PIK3C2B: variants seen among roughly 807,000 people sequenced by gnomAD.
The protein encoded by PIK3C2B is phosphatidylinositol-4-phosphate 3-kinase catalytic subunit type 2 beta.
In PIK3C2B, 83 loss-of-function variants were observed where a neutral mutation model predicts 184.3. That is an observed-to-expected ratio of 0.45 (90% CI 0.38 to 0.54). The LOEUF is 0.54. PIK3C2B is among the 20% of genes least tolerant of loss of function. PIK3C2B has a pLI of 0.00. For synonymous variants in PIK3C2B, 779 were observed against 837.6 expected, an observed-to-expected ratio of 0.93 and a Z score of 1.21; for missense variants, 1,736 against 2,113.5, an observed-to-expected ratio of 0.82 and a Z score of 3.50.
chr1:204,476,420 C>T (rs1656714421), intron 1 of PIK3C2B, among the ~76,000 whole-genome samples: 1 of 152,082 alleles, frequency 6.6e-6, no homozygotes, highest in African/African-American at 2.4e-5. Context: ...GTGGCATGGA[C>T]CTATAGTCCC....
intron 1 of PIK3C2B, among the ~76,000 whole-genome samples, chr1:204,478,621 CA>C (rs1201488343): frequency 6.6e-6 from 1 of 152,152 alleles, no homozygotes; most frequent in Non-Finnish European, 1.5e-5. Context: ...TGTGAGAAGA[CA>C]AAATAACAGC....
intron 12 of PIK3C2B, among the ~76,000 whole-genome samples, chr1:204,451,169 G>T (rs889627567): frequency 1.3e-5 from 2 of 152,214 alleles, no homozygotes; most frequent in Admixed American, 6.5e-5. Context: ...TTGGCTGGAG[G>T]TGACAAAGCA....
At chr1:204,468,085 G>A (rs1655964919) in intron 2 of PIK3C2B, among the ~76,000 whole-genome samples, 1 of 152,142 alleles carries the variant, frequency 6.6e-6, no homozygotes, top group Non-Finnish European at 1.5e-5. Context: ...TTGTCATACT[G>A]CATATTTTTT....
Position 204,423,887 on chromosome 1 carries a change from T to A in PIK3C2B, c.*965A>T, listed in dbSNP as rs1375286386. 6.6e-6 allele frequency: 1 copy of A among 152,132 alleles called. No homozygotes were observed. Among genetic ancestry groups the A allele is most frequent in the African/African-American group, 2.4e-5 (1 of 41,204 alleles). 9.4% of individuals were successfully genotyped at this position (152,132 alleles called of 1,614,324 possible). A position where few individuals can be genotyped will look rare whatever the true frequency, so the allele number is the denominator to read the frequency against. ...CAAGATGCTCTTGGGTGAAACTACA[T>A]CTAAGGACTGAGTCAGTATTTTGTC... is the stretch of plus-strand genomic sequence containing the variant. On this transcript the variant is annotated 3_prime_UTR_variant, in exon 33 of 33. Transcript: ENST00000684373.
Position 204,444,133 on chromosome 1 carries a change from G to A in PIK3C2B, c.2802C>T (p.Ser934=), listed in dbSNP as rs779492140. 3.4e-5 allele frequency: 55 copies of A among 1,613,496 alleles called. No individual in the cohort carries two copies. In the African/African-American group the frequency reaches 6.0e-4, roughly 18 times the overall value. The change falls in exon 18 of 33, where the codon AGC becomes AGT. Residue 934 remains serine, a synonymous_variant. Transcript: ENST00000684373. ...QALKYECYLD[S]PLVRFLLKRA... Reference sequence around the variant, plus strand: ...GTTTCAGGAGGAAGCGCACCAACGGGCTGTCCAGGTAGCATTCATACTTCA... The same window carrying A: ...GTTTCAGGAGGAAGCGCACCAACGGACTGTCCAGGTAGCATTCATACTTCA...
intron 2 of PIK3C2B, 27 bp downstream of exon 2, chr1:204,468,843 G>A (rs1231258941): frequency 1.0e-5 from 16 of 1,533,848 alleles, no homozygotes; most frequent in African/African-American, 1.4e-5. Flanking sequence ...AGAAAGGAAG[G>A]CAGAAGAAAC....
In PIK3C2B at chr1:204,430,043, C is replaced by T. The variant is rs777847209; in HGVS notation, c.4281-5G>A. ...ATCACGAAGCGACTAGGGAAGCTGGCGTGGCAGCGTAGGCAGCGGGGATGC... is the reference window on the plus strand; with the variant it reads ...ATCACGAAGCGACTAGGGAAGCTGGTGTGGCAGCGTAGGCAGCGGGGATGC... On this transcript the variant is annotated splice_polypyrimidine_tract_variant and splice_region_variant and intron_variant, in intron 28 of 32. Coordinates refer to ENST00000684373, the MANE Select transcript of PIK3C2B (RefSeq NM_001377334.1). The T allele has an allele frequency of 1.2e-5, 19 of 1,591,950 alleles. No individual in the cohort carries two copies. The highest frequency in any genetic ancestry group is 1.6e-5 in the Non-Finnish European group (19 of 1,167,072).
chr1:204,465,167 CTCCCCA>C, intron 3 of PIK3C2B, 46 bp downstream of exon 3: 5 of 760,386 alleles, frequency 6.6e-6, no homozygotes, highest in Admixed American at 3.7e-5. Context: ...GATGGCCCCC[CTCCCCA>C]TCCCCCATAG....
At chr1:204,476,253 T>C (rs1446389391) in intron 1 of PIK3C2B, among the ~76,000 whole-genome samples, 1 of 152,170 alleles carries the variant, frequency 6.6e-6, no homozygotes, top group Non-Finnish European at 1.5e-5. Context: ...AATTCAGTTC[T>C]CTCTCTGTCA....
At chr1:204,484,285 G>C (rs893712312) in intron 1 of PIK3C2B, among the ~76,000 whole-genome samples, 1 of 152,154 alleles carries the variant, frequency 6.6e-6, no homozygotes, top group Non-Finnish European at 1.5e-5. Flanking sequence ...TATGGAAGAG[G>C]AAAGTAGAAA....
intron 29 of PIK3C2B, among the ~76,000 whole-genome samples, chr1:204,429,508 A>G (rs1358223578): frequency 6.6e-6 from 1 of 152,194 alleles, no homozygotes; most frequent in Admixed American, 6.5e-5. Flanking sequence ...ATAGGGGCAG[A>G]TGATTTGTTA....
At chr1:204,429,293 T>C (rs1347348561) in intron 29 of PIK3C2B, among the ~76,000 whole-genome samples, 1 of 152,170 alleles carries the variant, frequency 6.6e-6, no homozygotes, top group Non-Finnish European at 1.5e-5. Flanking sequence ...ACACATACTC[T>C]AAATATCTTT....
At chr1:204,455,567 C>T (rs1368401986) in intron 11 of PIK3C2B, among the ~76,000 whole-genome samples, 1 of 152,058 alleles carries the variant, frequency 6.6e-6, no homozygotes, top group Admixed American at 6.5e-5. Flanking sequence ...ATGTCTCCTT[C>T]CACTGGTCTT....
chr1:204,478,104 G>A (rs558284047), intron 1 of PIK3C2B, among the ~76,000 whole-genome samples: 2 of 152,244 alleles, frequency 1.3e-5, no homozygotes, highest in African/African-American at 4.8e-5. Context: ...TCAGCTCTAG[G>A]ACTTCCCCAG....
At chr1:204,486,231 A>G (rs1048739893) in intron 1 of PIK3C2B, among the ~76,000 whole-genome samples, 2 of 151,846 alleles carry the variant, frequency 1.3e-5, no homozygotes. Flanking sequence ...CCCTGTCTCT[A>G]CTAAATATAT....
intron 12 of PIK3C2B, among the ~76,000 whole-genome samples, chr1:204,452,427 G>A (rs956357694): frequency 1.2e-4 from 18 of 147,576 alleles, no homozygotes; most frequent in African/African-American, 4.5e-4. Flanking sequence ...ACAGGTGTAT[G>A]CCACCACACT....
intron 11 of PIK3C2B, among the ~76,000 whole-genome samples, chr1:204,455,425 C>T (rs575158022): frequency 6.6e-6 from 1 of 152,220 alleles, no homozygotes; most frequent in African/African-American, 2.4e-5. Context: ...GAGGATTTTA[C>T]CAAAAGAACA....
At chr1:204,493,955 C>A (rs1001216707) in intron 1 of PIK3C2B, among the ~76,000 whole-genome samples, 3 of 152,270 alleles carry the variant, frequency 2.0e-5, no homozygotes, top group African/African-American at 7.2e-5. Context: ...ACAGAAGGCA[C>A]TAACCCCATC....
chr1:204,434,027 TTTCCC>T, intron 24 of PIK3C2B, 78 bp from the exon 25 acceptor site: 1 of 1,189,054 alleles, frequency 8.4e-7, no homozygotes. Context: ...CAGGGGTCAG[TTTCCC>T]TCATCCCTCA....
Sources: allele counts gnomAD v4.1 joint callset (sites outside exome capture counted in the v4.1 genomes callset), GRCh38; gene constraint gnomAD v4.1.1; transcripts MANE v1.5; gene names NCBI Gene and HGNC (gene_info 2026-07-23, HGNC 2026-07-21).